ZFPM2: variants seen among roughly 807,000 people sequenced by gnomAD.
ZFPM2 encodes the protein zinc finger protein ZFPM2.
In ZFPM2, 20 loss-of-function variants were observed where a neutral mutation model predicts 98.6. The ratio of observed to expected loss-of-function variants is 0.20; its 90% CI spans 0.14 to 0.29. The LOEUF is 0.29. Among genes scored for constraint, ZFPM2 ranks in the 10% least tolerant of loss-of-function variants. The pLI, the probability that ZFPM2 is intolerant of heterozygous loss-of-function variation, is 1.00. For missense variants in ZFPM2, 1,310 were observed against 1,388.6 expected (o/e 0.94, Z 0.90); for synonymous variants, 518 against 502.7 (o/e 1.03, Z -0.41).
intron 2 of ZFPM2, among the ~76,000 whole-genome samples, chr8:105,428,043 A>T (rs1811950319): frequency 6.6e-6 from 1 of 152,308 alleles, no homozygotes; most frequent in African/African-American, 2.4e-5. Context: ...CAAAACTACT[A>T]AAGACTAACA....
At chr8:105,447,582 T>C (rs1024524932) in intron 3 of ZFPM2, among the ~76,000 whole-genome samples, 10 of 152,106 alleles carry the variant, frequency 6.6e-5, no homozygotes, top group African/African-American at 2.4e-4. Flanking sequence ...ATATGAGGTA[T>C]TGAAACAGAT....
At chr8:105,746,839 A>G (rs1202481450) in intron 5 of ZFPM2, among the ~76,000 whole-genome samples, 1 of 151,934 alleles carries the variant, frequency 6.6e-6, no homozygotes, top group East Asian at 1.9e-4. Context: ...TGCAGGTGCC[A>G]GATACCACCT....
chr8:105,736,828 C>G (rs1325911657), intron 5 of ZFPM2, among the ~76,000 whole-genome samples: 1 of 152,040 alleles, frequency 6.6e-6, no homozygotes, highest in Non-Finnish European at 1.5e-5. Flanking sequence ...AATGCAAGTA[C>G]TTGCAGACAT....
At chr8:105,698,150 A>C (rs1233644140) in intron 5 of ZFPM2, among the ~76,000 whole-genome samples, 1 of 152,226 alleles carries the variant, frequency 6.6e-6, no homozygotes, top group African/African-American at 2.4e-5. Context: ...AATTGAAATC[A>C]GTGCTAATTA....
chr8:105,722,374 A>T (rs1381639156), intron 5 of ZFPM2, among the ~76,000 whole-genome samples: 4 of 151,744 alleles, frequency 2.6e-5, no homozygotes, highest in African/African-American at 9.7e-5. Context: ...TTCCTTGGTT[A>T]TGACTATAAT....
At chr8:105,749,638 G>A (rs1288263468) in intron 5 of ZFPM2, among the ~76,000 whole-genome samples, 3 of 151,910 alleles carry the variant, frequency 2.0e-5, no homozygotes, top group African/African-American at 7.2e-5. Context: ...TGACTGTTAG[G>A]TCATAACAAA....
chr8:105,563,849 CA>C lies in ZFPM2; in HGVS notation c.420+2372del, dbSNP rs537169809. ...ACCTTTAATCATTTGTATATTTCTT[CA>C]AAAGTGTACTGACACTGTATCAGCT... On this transcript the variant is annotated intron_variant, in intron 4 of 7. Transcript: ENST00000407775. Among the ~76,000 whole-genome samples, 15 of 152,160 alleles carry C rather than the reference CA, an allele frequency of 9.9e-5. No homozygotes were observed. The East Asian group carries it at 2.7e-3, about 27-fold the overall frequency.
chr8:105,514,973 T>A (rs1813890183), intron 3 of ZFPM2, among the ~76,000 whole-genome samples: 1 of 152,168 alleles, frequency 6.6e-6, no homozygotes, highest in South Asian at 2.1e-4. Flanking sequence ...CAATTAAGGC[T>A]GTGAATTAAC....
intron 3 of ZFPM2, among the ~76,000 whole-genome samples, chr8:105,456,162 TTGTTTG>T (rs1445503655): frequency 1.0e-4 from 14 of 137,166 alleles, no homozygotes; most frequent in South Asian, 2.2e-4. Context: ...TTTTGTTTGT[TTGTTTG>T]TTTTTTTTTT....
At chr8:105,667,972 A>G (rs1001666175) in intron 5 of ZFPM2, among the ~76,000 whole-genome samples, 1 of 152,234 alleles carries the variant, frequency 6.6e-6, no homozygotes, top group Non-Finnish European at 1.5e-5. Flanking sequence ...GACTTAAGCC[A>G]CATAAAACAA....
intron 4 of ZFPM2, among the ~76,000 whole-genome samples, chr8:105,576,127 A>T (rs1375699846): frequency 6.6e-6 from 1 of 152,210 alleles, no homozygotes; most frequent in African/African-American, 2.4e-5. Flanking sequence ...AAAGACAGCT[A>T]AAGCTCCAGC....
chr8:105,424,269 T>A (rs1383773833), intron 2 of ZFPM2, among the ~76,000 whole-genome samples: 1 of 152,182 alleles, frequency 6.6e-6, no homozygotes, highest in African/African-American at 2.4e-5. Context: ...GTTATGATTT[T>A]AAAATAAAGG....
intron 5 of ZFPM2, among the ~76,000 whole-genome samples, chr8:105,749,985 T>G (rs1812438881): frequency 6.6e-6 from 1 of 152,038 alleles, no homozygotes; most frequent in Admixed American, 6.6e-5. Context: ...GCCACAGCAG[T>G]GAATCTCAAT....
At chr8:105,439,340 C>T (rs1386113144) in intron 2 of ZFPM2, among the ~76,000 whole-genome samples, 1 of 152,122 alleles carries the variant, frequency 6.6e-6, no homozygotes, top group Non-Finnish European at 1.5e-5. Context: ...GTTCTCTCCT[C>T]AACTGGAGGA....
chr8:105,617,939 C>T (rs1167524480), intron 4 of ZFPM2, among the ~76,000 whole-genome samples: 1 of 152,154 alleles, frequency 6.6e-6, no homozygotes. Context: ...TATGTTCGGT[C>T]TTTTCCCCTT....
chr8:105,589,388 A>G lies in ZFPM2; in HGVS notation c.420+27907A>G, dbSNP rs113542462. On this transcript the variant is annotated intron_variant, in intron 4 of 7. Transcript: ENST00000407775. ...GACAAATCCTACCAGCCATATGGCT[A>G]TACTTTATATATATTTGGCAAAAGT... Among the ~76,000 whole-genome samples, 882 of 152,326 alleles carry G rather than the reference A, an allele frequency of 5.8e-3. 9 individuals are homozygous for G. Among genetic ancestry groups the G allele is most frequent in the African/African-American group, 0.02 (830 of 41,578 alleles).
chr8:105,480,752 A>AT lies in ZFPM2; in HGVS notation c.301+36387dup, dbSNP rs765031551. On this transcript the variant is annotated intron_variant, in intron 3 of 7. Transcript: ENST00000407775. ...GGGAATGATGGCACTGTGGGATTAC[A>AT]TTTTTTTTTTTTTTTTGAGACGGAC... Among the ~76,000 whole-genome samples, 1,241 of 140,910 alleles carry AT rather than the reference A, an allele frequency of 8.8e-3. 11 individuals carry two copies. Among genetic ancestry groups the AT allele is most frequent in the South Asian group, 0.019 (83 of 4,380 alleles). The allele number at this position is 140,910 out of a possible 152,430, so 92.4% of individuals were successfully genotyped here.
At chr8:105,722,801 C>G (rs1021741106) in intron 5 of ZFPM2, among the ~76,000 whole-genome samples, 3 of 151,686 alleles carry the variant, frequency 2.0e-5, no homozygotes, top group Admixed American at 6.6e-5. Flanking sequence ...GGCAGGCACA[C>G]TGGGTGTATC....
At chr8:105,324,881 T>C (rs1812087127) in intron 1 of ZFPM2, among the ~76,000 whole-genome samples, 1 of 151,888 alleles carries the variant, frequency 6.6e-6, no homozygotes, top group African/African-American at 2.4e-5. Context: ...TTGGCCAAAT[T>C]GTGTGAAGAA....
Sources: allele counts gnomAD v4.1 joint callset (sites outside exome capture counted in the v4.1 genomes callset), GRCh38; gene constraint gnomAD v4.1.1; transcripts MANE v1.5; gene names NCBI Gene and HGNC (gene_info 2026-07-23, HGNC 2026-07-21).